The following PEAK1 variants were observed in gnomAD, a reference collection of about 807,000 sequenced individuals.
The protein encoded by PEAK1 is inactive tyrosine-protein kinase PEAK1.
PEAK1 carries 54 observed loss-of-function variants against 124.7 expected under a neutral mutation model. The observed-to-expected ratio is 0.43, with a 90% CI of 0.35 to 0.54. PEAK1 has a LOEUF of 0.54. PEAK1 is among the 20% of genes least tolerant of loss of function. The probability of loss-of-function intolerance (pLI) is 0.01; values close to 1 mark genes in which losing one functional copy is unlikely to be tolerated. For missense variants in PEAK1, 2,046 were observed against 2,134.5 expected, an observed-to-expected ratio of 0.96 and a Z score of 0.82; for synonymous variants, 719 against 760.0, an observed-to-expected ratio of 0.95 and a Z score of 0.89.
intron 2 of PEAK1, among the ~76,000 whole-genome samples, chr15:77,324,754 T>C (rs369843272): frequency 1.3e-5 from 2 of 152,072 alleles, no homozygotes; most frequent in Admixed American, 6.5e-5. Context: ...AATGACCAGA[T>C]CTTGCAAGAA....
At chr15:77,272,975 T>C (rs1271128609) in intron 5 of PEAK1, among the ~76,000 whole-genome samples, 1 of 152,172 alleles carries the variant, frequency 6.6e-6, no homozygotes, top group Non-Finnish European at 1.5e-5. Flanking sequence ...TCAATAAATG[T>C]GATACACCAC....
intron 2 of PEAK1, among the ~76,000 whole-genome samples, chr15:77,309,668 CA>C (rs1001846484): frequency 1.3e-5 from 2 of 151,978 alleles, no homozygotes; most frequent in African/African-American, 2.4e-5. Flanking sequence ...TTTAATCCAC[CA>C]AAAAAGCCTA....
At chr15:77,144,208 G>A (rs995567022) in intron 8 of PEAK1, among the ~76,000 whole-genome samples, 8 of 152,214 alleles carry the variant, frequency 5.3e-5, no homozygotes. Context: ...AGTTGGTCAA[G>A]GCTCTCTGTC....
chr15:77,246,077 C>T (rs1056043418), intron 6 of PEAK1, among the ~76,000 whole-genome samples: 1 of 150,510 alleles, frequency 6.6e-6, no homozygotes, highest in Non-Finnish European at 1.5e-5. Context: ...GGTGTGATCT[C>T]GGCTCACTGC....
intron 2 of PEAK1, among the ~76,000 whole-genome samples, chr15:77,341,958 TTTTAGA>T (rs1303357242): frequency 6.6e-6 from 1 of 151,972 alleles, no homozygotes; most frequent in Non-Finnish European, 1.5e-5. Context: ...TTTAGAACAG[TTTTAGA>T]TTTTTACAAT....
chr15:77,125,109 T>C (rs2052261105), intron 9 of PEAK1, among the ~76,000 whole-genome samples: 1 of 152,244 alleles, frequency 6.6e-6, no homozygotes, highest in African/African-American at 2.4e-5. Flanking sequence ...CACAATGTTT[T>C]ATACAGTAAA....
At chr15:77,349,232 G>T (rs945165626) in intron 2 of PEAK1, 15 of 433,418 alleles carry the variant, frequency 3.5e-5, no homozygotes, top group African/African-American at 1.7e-4. Context: ...GTAGAGACGG[G>T]GTTTCACCAT....
intron 6 of PEAK1, among the ~76,000 whole-genome samples, chr15:77,192,231 G>A (rs1310060174): frequency 6.6e-6 from 1 of 152,170 alleles, no homozygotes; most frequent in Non-Finnish European, 1.5e-5. Context: ...AATGAAAAAG[G>A]CAAAGTGACA....
intron 1 of PEAK1, among the ~76,000 whole-genome samples, chr15:77,390,533 C>T (rs1358480831): frequency 6.6e-6 from 1 of 152,180 alleles, no homozygotes; most frequent in African/African-American, 2.4e-5. Context: ...CCCAGAACAT[C>T]AGCTGCACCT....
intron 2 of PEAK1, among the ~76,000 whole-genome samples, chr15:77,310,758 C>G (rs549559809): frequency 6.6e-6 from 1 of 152,264 alleles, no homozygotes; most frequent in East Asian, 1.9e-4. Flanking sequence ...CTGACCTAGA[C>G]CTGGCTTGGG....
At chr15:77,234,371 T>C (rs2060026978) in intron 6 of PEAK1, among the ~76,000 whole-genome samples, 2 of 152,106 alleles carry the variant, frequency 1.3e-5, no homozygotes, top group Admixed American at 6.5e-5. Context: ...CCTTATTAAT[T>C]TGGTCCTTTA....
intron 6 of PEAK1, among the ~76,000 whole-genome samples, chr15:77,184,825 TGGCGGA>T (rs2057458231): frequency 6.6e-6 from 1 of 152,128 alleles, no homozygotes; most frequent in Non-Finnish European, 1.5e-5. Flanking sequence ...TGAACCTGGG[TGGCGGA>T]GGTTGCAGTG....
chr15:77,171,611 A>T (rs1222833289), intron 7 of PEAK1, among the ~76,000 whole-genome samples: 1 of 152,194 alleles, frequency 6.6e-6, no homozygotes, highest in African/African-American at 2.4e-5. Flanking sequence ...CTAGTGTTCT[A>T]TGGCACTGTA....
At chr15:77,354,240 C>T (rs1002621871) in intron 2 of PEAK1, among the ~76,000 whole-genome samples, 1 of 152,176 alleles carries the variant, frequency 6.6e-6, no homozygotes, top group Non-Finnish European at 1.5e-5. Context: ...GGAAAGGAAA[C>T]AAATAGTGCC....
At chr15:77,383,369 A>G (rs534263025) in intron 1 of PEAK1, among the ~76,000 whole-genome samples, 2 of 152,276 alleles carry the variant, frequency 1.3e-5, no homozygotes, top group South Asian at 4.1e-4. Flanking sequence ...TCCACACTGC[A>G]ATAGGAAATC....
intron 2 of PEAK1, among the ~76,000 whole-genome samples, chr15:77,320,185 G>A (rs2065111403): frequency 6.6e-6 from 1 of 152,062 alleles, no homozygotes; most frequent in Admixed American, 6.6e-5. Context: ...CAGTGTCCCT[G>A]TTACCTGACC....
At position 77,408,187 on chromosome 15, in the gene PEAK1, A is replaced by C. The variant is rs992630351; in HGVS notation, c.-666+11819T>G. On this transcript the variant is annotated intron_variant, in intron 1 of 9. Transcript: ENST00000682557. ...CACACACACACACACACACACACACACCCTGGAATACTACTCAGCCATAAA... is the reference window on the plus strand; with the variant it reads ...CACACACACACACACACACACACACCCCCTGGAATACTACTCAGCCATAAA... Among the ~76,000 whole-genome samples, 8 of 145,662 alleles carry C rather than the reference A, an allele frequency of 5.5e-5. No individual in the cohort carries two copies. In the South Asian group the frequency reaches 6.5e-4, roughly 12 times the overall value.
intron 5 of PEAK1, among the ~76,000 whole-genome samples, chr15:77,267,443 C>A (rs1356275953): frequency 6.6e-6 from 1 of 152,018 alleles, no homozygotes; most frequent in African/African-American, 2.4e-5. Flanking sequence ...CAACCAGGAA[C>A]CCTCATAGTA....
At chr15:77,298,510 G>A (rs982194154) in intron 2 of PEAK1, among the ~76,000 whole-genome samples, 5 of 151,820 alleles carry the variant, frequency 3.3e-5, no homozygotes, top group Non-Finnish European at 5.9e-5. Flanking sequence ...GAGCCACCAC[G>A]CCCGGCCGGT....
Sources: gnomAD v4.1 joint callset for allele counts (sites outside exome capture counted in the v4.1 genomes callset) on GRCh38, gnomAD v4.1.1 for gene constraint, MANE v1.5 for transcripts, NCBI Gene and HGNC (gene_info 2026-07-23, HGNC 2026-07-21) for gene names.